RXRA: variants seen among roughly 807,000 people sequenced by gnomAD.
RXRA encodes the protein retinoic acid receptor RXR-alpha.
Under a neutral mutation model 44.5 loss-of-function variants are expected in RXRA, and 5 were observed. The ratio of observed to expected loss-of-function variants is 0.11; its 90% confidence interval spans 0.06 to 0.24. RXRA has a LOEUF of 0.24. Among genes scored for constraint, RXRA ranks in the 10% least tolerant of loss-of-function variants. The pLI is 1.00. For missense variants in RXRA, 412 were observed against 646.5 expected (o/e 0.64, Z 3.93); for synonymous variants, 291 against 271.4 (o/e 1.07, Z -0.71).
At chr9:134,394,421 G>A (rs1830848189) in intron 1 of RXRA, among the ~76,000 whole-genome samples, 1 of 152,150 alleles carries the variant, frequency 6.6e-6, no homozygotes, top group Admixed American at 6.5e-5. Context: ...GCCACTGCCT[G>A]TGCCCTGGGA....
chr9:134,421,844 C>A (rs1380231781), intron 6 of RXRA, 39 bp downstream of exon 6: 2 of 1,608,532 alleles, frequency 1.2e-6, no homozygotes, highest in Non-Finnish European at 1.7e-6. Context: ...GGATGCCATG[C>A]AGATGGGACA....
rs1035000074 is a variant in RXRA, at chr9:134,407,160, G to A, written c.280-989G>A. 6.6e-6 allele frequency among the ~76,000 whole-genome samples: 1 copy of A among 152,240 alleles called. No homozygotes were observed. Among genetic ancestry groups the A allele is most frequent in the Non-Finnish European group, 1.5e-5 (1 of 68,040 alleles). On this transcript the variant is annotated intron_variant, in intron 2 of 9. Transcript: ENST00000481739. This position sits in a 1 kb window ranked among gnomAD's most constrained non-coding sequence, Gnocchi z 4.8. ...GGCTGGAAGACTCATTCCAGGCACC[G>A]AGGTCCATGTGAAAGGAGGCTTTGC... is the stretch of plus-strand genomic sequence containing the variant.
chr9:134,431,796 C>T (rs1588310106), intron 7 of RXRA, 109 bp from the exon 8 acceptor site: 17 of 786,990 alleles, frequency 2.2e-5, no homozygotes, highest in Middle Eastern at 3.9e-4. Flanking sequence ...CCCATCTCAG[C>T]GGCCCTCGGG....
intron 6 of RXRA, chr9:134,425,839 G>A: frequency 1.0e-6 from 1 of 985,346 alleles, no homozygotes; most frequent in Non-Finnish European, 1.2e-6. Context: ...TGCCTTGTGA[G>A]TGTGGACTCA....
At chr9:134,378,137 G>T (rs965553192) in intron 1 of RXRA, among the ~76,000 whole-genome samples, 1 of 152,252 alleles carries the variant, frequency 6.6e-6, no homozygotes, top group Non-Finnish European at 1.5e-5. Flanking sequence ...AGCCACCCAG[G>T]GTTCTGGGCA....
rs552420064 is a variant in RXRA at position 134,407,842 on chromosome 9, G to T, written c.280-307G>T. On this transcript the variant is annotated intron_variant, in intron 2 of 9. Coordinates refer to ENST00000481739, the MANE Select transcript of RXRA (RefSeq NM_002957.6). The surrounding 1 kb of genome is among the most constrained non-coding windows in gnomAD (Gnocchi z 4.8). ...CAGCTCTCATTTAGGTGGGCAGCGG[G>T]CAGGGGGTTGCAAGCAGGGACCGCC... 6.1e-4 allele frequency among the ~76,000 whole-genome samples: 93 copies of T among 152,076 alleles called. No homozygotes were observed. The highest frequency in any genetic ancestry group is 1.0e-3 in the Non-Finnish European group (71 of 67,980).
Position 134,426,061 on chromosome 9 carries a change from G to A in RXRA, c.911-3047G>A. 1 of 985,428 alleles carries A rather than the reference G, an allele frequency of 1.0e-6. No individual in the cohort carries two copies. Among genetic ancestry groups the A allele is most frequent in the Non-Finnish European group, 1.2e-6 (1 of 829,928 alleles). The allele number at this position is 985,428 out of a possible 1,614,324, so 61.0% of individuals were successfully genotyped here. A position where few individuals can be genotyped will look rare whatever the true frequency, so the allele number is the denominator to read the frequency against. On this transcript the variant is annotated intron_variant, in intron 6 of 9. Transcript: ENST00000481739. This position sits in a 1 kb window ranked among gnomAD's most constrained non-coding sequence, Gnocchi z 4.6. The stretch of plus-strand genomic sequence containing the variant: ...CAGAGGCCCTGAGCGTTTGGGCAGG[G>A]CCACGAGGGATCTGCAGGAGTAAGT...
chr9:134,421,772 C>T lies in RXRA; in HGVS notation c.877C>T (p.Pro293Ser), dbSNP rs1831335124. The change falls in exon 6 of 10, where the codon CCC becomes TCC. Residue 293 changes from proline to serine, a missense_variant. Pro to Ser is a moderately conservative substitution (Grantham distance 74, BLOSUM62 -1). This residue lies in a region of RXRA where 141 missense variants were observed against 270.8 expected (regional missense o/e 0.52). Transcript: ENST00000481739. Reference sequence around the variant, plus strand: ...GCGGATCCCACACTTCTCAGAGCTGCCCCTGGACGACCAGGTCATCCTGCT... The same window carrying T: ...GCGGATCCCACACTTCTCAGAGCTGTCCCTGGACGACCAGGTCATCCTGCT... ...AKRIPHFSEL[P>S]LDDQVILLRA... 2 of 1,612,084 alleles carry T rather than the reference C, an allele frequency of 1.2e-6. No individual in the cohort carries two copies. Among genetic ancestry groups the T allele is most frequent in the Non-Finnish European group, 1.7e-6 (2 of 1,178,736 alleles).
intron 1 of RXRA, among the ~76,000 whole-genome samples, chr9:134,363,327 G>A (rs984186473): frequency 7.2e-5 from 11 of 152,252 alleles, no homozygotes; most frequent in African/African-American, 1.2e-4. Context: ...CTCACTCAGG[G>A]AGCCTGGCGG....
At position 134,326,477 on chromosome 9, in the gene RXRA, T is replaced by C. The variant is rs1473742941; in HGVS notation, c.-155T>C. ...AGTAGTTTACATTGTTGGGCGACTT[T>C]TGCAACAACTCGCCGCGCCGCGGCC... On this transcript the variant is annotated 5_prime_UTR_variant, in exon 1 of 10. Transcript: ENST00000481739. The C allele has an allele frequency of 2.2e-5, 3 of 137,668 alleles. No homozygotes were observed. Among genetic ancestry groups the C allele is most frequent in the African/African-American group, 7.9e-5 (3 of 38,094 alleles). 8.5% of individuals were successfully genotyped at this position (137,668 alleles called of 1,614,324 possible).
intron 1 of RXRA, among the ~76,000 whole-genome samples, chr9:134,352,472 G>A (rs1345945863): frequency 6.6e-6 from 1 of 152,176 alleles, no homozygotes; most frequent in African/African-American, 2.4e-5. Context: ...TGGTGGGGCT[G>A]TCCTGCCCTC....
chr9:134,371,091 A>G (rs1322007457), intron 1 of RXRA, among the ~76,000 whole-genome samples: 2 of 152,240 alleles, frequency 1.3e-5, no homozygotes, highest in East Asian at 3.9e-4. Flanking sequence ...GGACACGCTC[A>G]AGAGAGTGCC....
chr9:134,394,727 T>A (rs1210017149), intron 1 of RXRA, among the ~76,000 whole-genome samples: 2 of 152,170 alleles, frequency 1.3e-5, no homozygotes, highest in African/African-American at 4.8e-5. Context: ...GCCCCCTCAC[T>A]ACCCTGCGTC....
intron 9 of RXRA, among the ~76,000 whole-genome samples, chr9:134,435,628 T>C (rs1333364744): frequency 9.9e-5 from 15 of 152,170 alleles, no homozygotes. Context: ...CTTGCACCGT[T>C]ACACAGCTCC....
Position 134,365,382 on chromosome 9 carries a change from CG to C in RXRA, c.29-36249del, listed in dbSNP as rs145786972. 4.6e-3 allele frequency among the ~76,000 whole-genome samples: 708 copies of C among 152,320 alleles called. 4 individuals are homozygous for C. Among genetic ancestry groups the C allele is most frequent in the African/African-American group, 0.016 (650 of 41,570 alleles). ...TGGTGAGCTCAGGGAGCGGGGTCCA[CG>C]TTGCCTGGCCCAGGTGGGATTTGGC... On this transcript the variant is annotated intron_variant, in intron 1 of 9. Transcript: ENST00000481739. The surrounding 1 kb of genome is among the most constrained non-coding windows in gnomAD (Gnocchi z 4.0).
In RXRA at chr9:134,331,764, G is replaced by T. The variant is rs1835009887; in HGVS notation, c.28+5105G>T. ...GTCTGTGGGCCAGCCTTTGTGTCCC[G>T]CTGTGGGGCCTGCTTTTTCTCCGGC... On this transcript the variant is annotated intron_variant, in intron 1 of 9. Coordinates refer to ENST00000481739, the MANE Select transcript of RXRA (RefSeq NM_002957.6). 3.4e-5 allele frequency among the ~76,000 whole-genome samples: 4 copies of T among 117,026 alleles called. No individual in the cohort carries two copies. The East Asian group carries it at 8.6e-4, about 25-fold the overall frequency. The allele number at this position is 117,026 out of a possible 152,430, so 76.8% of individuals were successfully genotyped here.
rs147366965 is a variant in RXRA, at chr9:134,433,593, G to C, written c.1136-509G>C. ...TGGTGGCTGCAATCTTAGCCTCTCT[G>C]TCCACTCTAGGCTCTTGAGCCCGGG... On this transcript the variant is annotated intron_variant, in intron 8 of 9. Coordinates refer to ENST00000481739, the MANE Select transcript of RXRA (RefSeq NM_002957.6). This position sits in a 1 kb window ranked among gnomAD's most constrained non-coding sequence, Gnocchi z 4.2. Among the ~76,000 whole-genome samples, 358 of 152,222 alleles carry C rather than the reference G, an allele frequency of 2.4e-3. 1 individual carries two copies. The highest frequency in any genetic ancestry group is 8.1e-3 in the African/African-American group (338 of 41,534).
chr9:134,413,739 A>T (rs150608531), intron 4 of RXRA, among the ~76,000 whole-genome samples: 67 of 152,110 alleles, frequency 4.4e-4, no homozygotes, highest in African/African-American at 1.6e-3. Flanking sequence ...CTTGACCCTG[A>T]GGGGCTGTGG....
intron 6 of RXRA, chr9:134,423,710 G>A (rs1831386065): frequency 1.0e-6 from 1 of 985,372 alleles, no homozygotes; most frequent in Non-Finnish European, 1.2e-6. Context: ...TTCTTTCAGG[G>A]TATGGTGAGT....
Sources: allele counts gnomAD v4.1 joint callset (sites outside exome capture counted in the v4.1 genomes callset), GRCh38; gene constraint gnomAD v4.1.1; regional missense constraint gnomAD v4.1.1; non-coding constraint Gnocchi (gnomAD v3.1); transcripts MANE v1.5; gene names NCBI Gene and HGNC (gene_info 2026-07-23, HGNC 2026-07-21).